TPPP: variants seen among roughly 807,000 people sequenced by gnomAD.
The protein encoded by TPPP is tubulin polymerization-promoting protein.
Under a neutral mutation model 15.5 loss-of-function variants are expected in TPPP, and 6 were observed. The observed-to-expected ratio is 0.39, with a 90% CI of 0.21 to 0.77. TPPP has a LOEUF of 0.77. Ranked by LOEUF, TPPP falls within the 30% of genes least tolerant of loss-of-function variation. TPPP has a pLI of 0.42. For missense variants in TPPP, 269 were observed against 307.2 expected, an observed-to-expected ratio of 0.88 and a Z score of 0.93; for synonymous variants, 146 against 133.9, an observed-to-expected ratio of 1.09 and a Z score of -0.63.
At chr5:692,391 G>GC (rs1400232977) in intron 1 of TPPP, among the ~76,000 whole-genome samples, 61 of 58,476 alleles carry the variant, frequency 1.0e-3, no homozygotes, top group African/African-American at 3.9e-3. Context: ...CAAAACAGCA[G>GC]CCCCCCAAAC....
rs762232901 is a variant in TPPP at position 665,975 on chromosome 5, C to A, written c.460G>T (p.Val154Leu). The change falls in exon 3 of 4, where the codon GTG becomes TTG. Residue 154 changes from valine to leucine, a missense_variant. Physicochemically the swap from Val to Leu is conservative, Grantham distance 32. Transcript: ENST00000360578. ...IEGKAPIISG[V>L]TKAISSPTVS... Reference sequence around the variant, plus strand: ...TCCATCCCCGCCCTGCTCACCGTCACCCCTGAGATGATGGGCGCCTTGCCC... The same window carrying A: ...TCCATCCCCGCCCTGCTCACCGTCAACCCTGAGATGATGGGCGCCTTGCCC... The A allele has an allele frequency of 6.3e-7, 1 of 1,585,844 alleles. No individual in the cohort carries two copies. The highest frequency in any genetic ancestry group is 2.3e-5 in the East Asian group (1 of 43,716).
At chr5:671,708 C>T (rs1020645074) in intron 2 of TPPP, among the ~76,000 whole-genome samples, 11 of 152,228 alleles carry the variant, frequency 7.2e-5, no homozygotes, top group Admixed American at 2.0e-4. Flanking sequence ...AGGGTCCCCC[C>T]GCAGGGGCTC....
At chr5:697,348 C>T (rs1245602140), upstream of TPPP, among the ~76,000 whole-genome samples, 11 of 144,518 alleles carry the variant, frequency 7.6e-5, no homozygotes, top group Non-Finnish European at 1.2e-4. Flanking sequence ...CGCCAGCCAT[C>T]GCTACCTCAG....
intron 1 of TPPP, among the ~76,000 whole-genome samples, chr5:679,299 C>T (rs1740552027): frequency 6.6e-6 from 1 of 152,004 alleles, no homozygotes; most frequent in Non-Finnish European, 1.5e-5. Context: ...GGCCTCAGGC[C>T]CCACCCACTC....
chr5:693,159 G>C lies in TPPP; in HGVS notation c.-5+119C>G, dbSNP rs1372318831. ...GCGGGGCGGTCCGGGAAGGGGGCTCGGGGGAGCGCGGGGGGCAGGGGCTGC... is the reference window on the plus strand; with the variant it reads ...GCGGGGCGGTCCGGGAAGGGGGCTCCGGGGAGCGCGGGGGGCAGGGGCTGC... On this transcript the variant is annotated intron_variant, in intron 1 of 3. Transcript: ENST00000360578. The C allele has an allele frequency of 1.5e-4, 15 of 96,850 alleles. 1 individual carries two copies. The highest frequency in any genetic ancestry group is 5.5e-4 in the African/African-American group (15 of 27,216). 6.0% of individuals were successfully genotyped at this position (96,850 alleles called of 1,614,324 possible).
intron 2 of TPPP, among the ~76,000 whole-genome samples, chr5:677,486 A>G (rs1740488788): frequency 6.6e-6 from 1 of 151,986 alleles, no homozygotes; most frequent in Non-Finnish European, 1.5e-5. Context: ...CCGAAACCCT[A>G]CACACCCACG....
At chr5:681,752 GT>G (rs1040480796) in intron 1 of TPPP, among the ~76,000 whole-genome samples, 11 of 152,046 alleles carry the variant, frequency 7.2e-5, no homozygotes, top group African/African-American at 2.2e-4. Context: ...GCAAGACTGT[GT>G]TGTCCAACTG....
chr5:672,951 A>G (rs1199245342), intron 2 of TPPP, among the ~76,000 whole-genome samples: 3 of 152,242 alleles, frequency 2.0e-5, no homozygotes, highest in Non-Finnish European at 4.4e-5. Flanking sequence ...AGGCTCGCAG[A>G]TACCCCGAGC....
chr5:677,643 A>G, intron 2 of TPPP, 107 bp downstream of exon 2: 1 of 1,075,092 alleles, frequency 9.3e-7, no homozygotes, highest in Non-Finnish European at 1.3e-6. Flanking sequence ...TTGAAGCACA[A>G]CCCCCTCCAC....
At chr5:676,612 C>G (rs1465093374) in intron 2 of TPPP, 1 of 152,262 alleles carries the variant, frequency 6.6e-6, no homozygotes, top group Non-Finnish European at 1.5e-5. Context: ...CACAGGCGGA[C>G]AGGACGGGGC....
intron 2 of TPPP, among the ~76,000 whole-genome samples, chr5:676,971 ACG>A (rs543884674): frequency 2.5e-4 from 36 of 145,014 alleles, no homozygotes; most frequent in African/African-American, 8.7e-4. Context: ...GCACACAGAA[ACG>A]CACACACGAC....
intron 2 of TPPP, among the ~76,000 whole-genome samples, chr5:668,132 T>G (rs374428469): frequency 7.2e-4 from 66 of 92,014 alleles, no homozygotes; most frequent in Admixed American, 1.2e-3. Context: ...CGGAGAGGGG[T>G]CCGCGTGGGC....
At chr5:669,442 A>G (rs930982393) in intron 2 of TPPP, among the ~76,000 whole-genome samples, 1 of 152,116 alleles carries the variant, frequency 6.6e-6, no homozygotes, top group African/African-American at 2.4e-5. Flanking sequence ...TGGAACTGAC[A>G]GTGCCCATTG....
At chr5:699,192 C>A in the TPPP span, among the ~76,000 whole-genome samples, 1 of 152,000 alleles carries the variant, frequency 6.6e-6, no homozygotes, top group Non-Finnish European at 1.5e-5. Flanking sequence ...CAATCCAAAG[C>A]TAGAAGAACA....
chr5:674,166 C>G (rs955175663), intron 2 of TPPP, among the ~76,000 whole-genome samples: 3 of 152,234 alleles, frequency 2.0e-5, no homozygotes, highest in Admixed American at 6.5e-5. Flanking sequence ...ATCTCCACAC[C>G]GCTTTGCCCC....
chr5:682,607 G>T (rs1359647852), intron 1 of TPPP, among the ~76,000 whole-genome samples: 6 of 149,824 alleles, frequency 4.0e-5, no homozygotes, highest in Non-Finnish European at 8.9e-5. Flanking sequence ...CTGTTACTAG[G>T]ACCTGGGGTC....
In TPPP at chr5:677,839, C is replaced by G; in HGVS notation, c.222G>C (p.Lys74Asn). 6.2e-7 allele frequency: 1 copy of G among 1,612,530 alleles called. No homozygotes were observed. Among genetic ancestry groups the G allele is most frequent in the Non-Finnish European group, 8.5e-7 (1 of 1,179,728 alleles). ...ARATGREMHG[K>N]NWSKLCKDCQ... is the part of the protein sequence containing the mutation. The stretch of plus-strand genomic sequence containing the variant: ...AGTCCTTGCACAGCTTCGACCAGTT[C>G]TTGCCGTGCATCTCCCTCCCGGTGG... Residue 74 changes from lysine to asparagine, a missense_variant, in exon 2 of 4, where the codon AAG becomes AAC. By Grantham distance (94) the Lys-to-Asn change is moderately conservative. Transcript: ENST00000360578.
At chr5:679,234 C>T (rs570628242) in intron 1 of TPPP, among the ~76,000 whole-genome samples, 40 of 152,236 alleles carry the variant, frequency 2.6e-4, no homozygotes, top group African/African-American at 8.9e-4. Context: ...CCACAAATTC[C>T]CCCAAAACAG....
chr5:676,930 GCGCGCACACGACGCAGAAA>G (rs1740462973), intron 2 of TPPP, among the ~76,000 whole-genome samples: 1 of 141,468 alleles, frequency 7.1e-6, no homozygotes, highest in South Asian at 2.2e-4. Context: ...AGAAACGCAC[GCGCGCACACGACGCAGAAA>G]CGCGCACACG....
Sources: allele counts gnomAD v4.1 joint callset (sites outside exome capture counted in the v4.1 genomes callset), GRCh38; gene constraint gnomAD v4.1.1; transcripts MANE v1.5; gene names NCBI Gene and HGNC (gene_info 2026-07-23, HGNC 2026-07-21).